Variants in MAP2K4 observed in about 807,000 individuals in gnomAD.
The protein encoded by MAP2K4 is mitogen-activated protein kinase kinase 4.
MAP2K4 carries 4 observed loss-of-function variants against 48.5 expected under a neutral mutation model. The observed-to-expected ratio is 0.08, with a 90% CI of 0.04 to 0.19. The LOEUF (loss-of-function observed/expected upper bound fraction) is 0.19, where lower values mean the gene tolerates loss of function less well. MAP2K4 is among the 10% of genes least tolerant of loss of function. The pLI, the probability that MAP2K4 is intolerant of heterozygous loss-of-function variation, is 1.00. For synonymous variants in MAP2K4, 166 were observed against 173.1 expected (o/e 0.96, Z 0.32); for missense variants, 258 against 493.3 (o/e 0.52, Z 4.52).
At chr17:12,069,890 C>CATATATAT (rs56309746) in intron 2 of MAP2K4, 2 of 182,202 alleles carry the variant, frequency 1.1e-5, no homozygotes, top group Non-Finnish European at 1.9e-5. Flanking sequence ...GAAGATTAGT[C>CATATATAT]ATATATATAT....
intron 8 of MAP2K4, among the ~76,000 whole-genome samples, chr17:12,126,092 A>G (rs1170997715): frequency 6.6e-6 from 1 of 152,038 alleles, no homozygotes; most frequent in Non-Finnish European, 1.5e-5. Flanking sequence ...GTGCATTAGA[A>G]ACCACCCTCA....
chr17:12,031,052 C>T (rs1405592768), intron 1 of MAP2K4, among the ~76,000 whole-genome samples: 1 of 152,174 alleles, frequency 6.6e-6, no homozygotes, highest in African/African-American at 2.4e-5. Context: ...TCCCACTGCA[C>T]ATTTGGTGGG....
At chr17:12,077,981 T>C (rs2151545642) in intron 2 of MAP2K4, among the ~76,000 whole-genome samples, 1 of 152,308 alleles carries the variant, frequency 6.6e-6, no homozygotes, top group East Asian at 1.9e-4. Flanking sequence ...TCCCAGTGGA[T>C]TAGGGCCCCA....
chr17:12,089,237 T>C (rs929300393), intron 3 of MAP2K4, among the ~76,000 whole-genome samples: 2 of 152,110 alleles, frequency 1.3e-5, no homozygotes, highest in Non-Finnish European at 2.9e-5. Flanking sequence ...TTTGGTAACC[T>C]TAGATGATAG....
intron 8 of MAP2K4, among the ~76,000 whole-genome samples, chr17:12,126,872 G>A (rs1471774910): frequency 3.9e-5 from 6 of 152,180 alleles, no homozygotes; most frequent in Non-Finnish European, 8.8e-5. Flanking sequence ...CATTGAAGGC[G>A]AATTTTCTAT....
chr17:12,081,949 T>G lies in MAP2K4; in HGVS notation c.393+419T>G. 1 of 534,616 alleles carries G rather than the reference T, an allele frequency of 1.9e-6. No homozygotes were observed. Among genetic ancestry groups the G allele is most frequent in the Non-Finnish European group, 3.8e-6 (1 of 260,486 alleles). 33.1% of individuals were successfully genotyped at this position (534,616 alleles called of 1,614,324 possible). ...AACAGCAGTCTTACTGAAGGTTTCC[T>G]GGAAACCACGCACATGCTGTTGCCA... On this transcript the variant is annotated intron_variant, in intron 3 of 10. Coordinates refer to ENST00000353533, the MANE Select transcript of MAP2K4 (RefSeq NM_003010.4). The surrounding 1 kb of genome is among the most constrained non-coding windows in gnomAD (Gnocchi z 4.2).
chr17:12,093,556 A>G (rs1306093152), intron 3 of MAP2K4, among the ~76,000 whole-genome samples: 2 of 152,226 alleles, frequency 1.3e-5, no homozygotes, highest in Admixed American at 6.5e-5. Flanking sequence ...CATACCACAC[A>G]ACCAGTTTTG....
intron 4 of MAP2K4, 148 bp from the exon 5 acceptor site, chr17:12,107,642 G>T (rs1397557153): frequency 4.6e-6 from 3 of 656,152 alleles, no homozygotes; most frequent in African/African-American, 3.8e-5. Flanking sequence ...TCTGTTGAAG[G>T]CTTTAACAAG....
chr17:12,136,563 T>C (rs1973215486), intron 9 of MAP2K4, among the ~76,000 whole-genome samples: 1 of 152,222 alleles, frequency 6.6e-6, no homozygotes, highest in African/African-American at 2.4e-5. Flanking sequence ...ACTAAGGAAA[T>C]GCATTTTTTA....
chr17:12,107,488 AT>A (rs151007507), intron 4 of MAP2K4, among the ~76,000 whole-genome samples: 1 of 111,278 alleles, frequency 9.0e-6, no homozygotes, highest in Non-Finnish European at 1.9e-5. Context: ...CACATTTCCT[AT>A]TTTTTTTTCT....
intron 4 of MAP2K4, among the ~76,000 whole-genome samples, chr17:12,099,703 G>C (rs1045623881): frequency 2.6e-5 from 4 of 151,964 alleles, no homozygotes; most frequent in African/African-American, 9.7e-5. Flanking sequence ...GTAGGTAGGT[G>C]GAAAAAAGAG....
intron 4 of MAP2K4, among the ~76,000 whole-genome samples, chr17:12,100,331 T>G (rs1971899107): frequency 6.6e-6 from 1 of 152,204 alleles, no homozygotes; most frequent in African/African-American, 2.4e-5. Context: ...CAGTATGTAC[T>G]TCTCTTTTTC....
chr17:12,078,490 C>A (rs1475452749), intron 2 of MAP2K4, among the ~76,000 whole-genome samples: 1 of 152,166 alleles, frequency 6.6e-6, no homozygotes, highest in Admixed American at 6.5e-5. Context: ...TGTCCATCTT[C>A]TCAAGCACTT....
chr17:12,088,158 G>A (rs183300948), intron 3 of MAP2K4, among the ~76,000 whole-genome samples: 71 of 152,146 alleles, frequency 4.7e-4, no homozygotes, highest in African/African-American at 1.7e-3. Context: ...GTAGGGTTCA[G>A]AATAGTAGGG....
intron 1 of MAP2K4, among the ~76,000 whole-genome samples, chr17:12,044,357 G>C (rs975762833): frequency 6.6e-6 from 1 of 152,182 alleles, no homozygotes; most frequent in African/African-American, 2.4e-5. Context: ...GAAGTTCTCT[G>C]CATCTTATAG....
intron 6 of MAP2K4, 40 bp from the exon 7 acceptor site, chr17:12,113,193 A>G (rs1203442535): frequency 1.1e-5 from 18 of 1,585,484 alleles, no homozygotes; most frequent in Non-Finnish European, 1.6e-5. Context: ...TAACTTAGGA[A>G]GAAGCTAATT....
At chr17:12,121,800 G>A (rs749831924) in intron 7 of MAP2K4, among the ~76,000 whole-genome samples, 3 of 151,988 alleles carry the variant, frequency 2.0e-5, no homozygotes, top group Admixed American at 6.6e-5. Flanking sequence ...GTTTTTTATT[G>A]CATAACATTG....
At chr17:12,115,866 G>A in intron 7 of MAP2K4, 2 of 664,806 alleles carry the variant, frequency 3.0e-6, no homozygotes, top group Admixed American at 3.8e-5. Context: ...TGCATCGTCG[G>A]CACCTTTGGA....
chr17:12,066,295 G>A lies in MAP2K4; in HGVS notation c.218+11304G>A, dbSNP rs549239983. ...CAGAAAGTTATAAAACAAAAAATCA[G>A]CTTCATGCCCTTAATATTTATCTCC... On this transcript the variant is annotated intron_variant, in intron 2 of 10. Transcript: ENST00000353533. Among the ~76,000 whole-genome samples, 27 of 152,134 alleles carry A rather than the reference G, an allele frequency of 1.8e-4. No homozygotes were observed. The South Asian group carries it at 5.4e-3, about 30-fold the overall frequency.
Sources: allele counts gnomAD v4.1 joint callset (sites outside exome capture counted in the v4.1 genomes callset), GRCh38; gene constraint gnomAD v4.1.1; non-coding constraint Gnocchi (gnomAD v3.1); transcripts MANE v1.5; gene names NCBI Gene and HGNC (gene_info 2026-07-23, HGNC 2026-07-21).